RAB6A: variants seen among roughly 807,000 people sequenced by gnomAD.
RAB6A encodes RAB6A, member RAS oncogene family.
RAB6A carries 8 observed loss-of-function variants against 32.3 expected under a neutral mutation model. That is an observed-to-expected ratio of 0.25 (90% CI 0.15 to 0.45). The LOEUF is 0.45. Among genes scored for constraint, RAB6A ranks in the 20% least tolerant of loss-of-function variants. The probability of loss-of-function intolerance (pLI) is 1.00; values close to 1 mark genes in which losing one functional copy is unlikely to be tolerated. For missense variants in RAB6A, 104 were observed against 249.4 expected (o/e 0.42, Z 3.93); for synonymous variants, 73 against 82.1 (o/e 0.89, Z 0.60).
At chr11:73,690,167 C>A (rs1023559595) in intron 6 of RAB6A, among the ~76,000 whole-genome samples, 1 of 152,144 alleles carries the variant, frequency 6.6e-6, no homozygotes, top group African/African-American at 2.4e-5. Context: ...TTTGTAATCT[C>A]AAGGATATTT....
chr11:73,719,895 C>T (rs769217447), intron 3 of RAB6A, among the ~76,000 whole-genome samples: 1 of 151,410 alleles, frequency 6.6e-6, no homozygotes, highest in Non-Finnish European at 1.5e-5. Flanking sequence ...GGATTACAGG[C>T]GTGAGCCACC....
At chr11:73,722,241 T>C (rs1354987030) in intron 2 of RAB6A, 2 of 147,698 alleles carry the variant, frequency 1.4e-5, no homozygotes, top group South Asian at 2.1e-4. Context: ...GTTAAATTTG[T>C]TCCTAAGTAT....
chr11:73,722,376 C>T (rs1946156368), intron 2 of RAB6A: 1 of 105,146 alleles, frequency 9.5e-6, no homozygotes, highest in Non-Finnish European at 1.8e-5. Flanking sequence ...TTGAGACAGT[C>T]TCACACTCTT....
At chr11:73,678,052 A>G in intron 7 of RAB6A, 90 bp from the exon 8 acceptor site, 2 of 1,324,650 alleles carry the variant, frequency 1.5e-6, no homozygotes, top group Non-Finnish European at 2.2e-6. Context: ...TTATATTCCT[A>G]TCTGTCTTCA....
chr11:73,748,581 A>G (rs1361085652), intron 1 of RAB6A, among the ~76,000 whole-genome samples: 1 of 152,196 alleles, frequency 6.6e-6, no homozygotes, highest in African/African-American at 2.4e-5. Context: ...TAGATGAAAA[A>G]AGATTAAGAT....
intron 1 of RAB6A, among the ~76,000 whole-genome samples, chr11:73,737,322 A>C (rs1242484603): frequency 1.3e-5 from 2 of 152,056 alleles, no homozygotes; most frequent in Non-Finnish European, 2.9e-5. Flanking sequence ...CTATCTCTAC[A>C]AAAAATTTAA....
chr11:73,692,853 C>T (rs1208515846), intron 6 of RAB6A, among the ~76,000 whole-genome samples: 9 of 143,518 alleles, frequency 6.3e-5, no homozygotes, highest in East Asian at 2.1e-4. Context: ...CCCAGCTACG[C>T]GGGAGGCTGA....
chr11:73,722,333 ATATATATATATTTTTTTTTTTTT>A, intron 2 of RAB6A: 1 of 18,570 alleles, frequency 5.4e-5, no homozygotes, highest in Admixed American at 9.0e-4. Context: ...ATATATATAT[ATATATATATATTTTTTTTTTTTT>A]TTTTTTTTTT....
rs1424541665 is a variant in RAB6A, at chr11:73,703,865, T to C, written c.495+3555A>G. Among the ~76,000 whole-genome samples, 3 of 151,748 alleles carry C rather than the reference T, an allele frequency of 2.0e-5. No homozygotes were observed. In the South Asian group the frequency reaches 6.2e-4, roughly 32 times the overall value. On this transcript the variant is annotated intron_variant, in intron 6 of 7. Coordinates refer to ENST00000336083, the MANE Select transcript of RAB6A (RefSeq NM_198896.2). ...TGGATGGATCTTGAGGTCAGGATCA[T>C]ATAAAAATACAAAAATTGGCTGGGC... is the stretch of plus-strand genomic sequence containing the variant.
At chr11:73,740,096 A>C (rs1708731823) in intron 1 of RAB6A, among the ~76,000 whole-genome samples, 1 of 152,024 alleles carries the variant, frequency 6.6e-6, no homozygotes, top group African/African-American at 2.4e-5. Context: ...GGACTCAATT[A>C]GTCTACAATC....
chr11:73,755,182 C>T (rs1020680230), intron 1 of RAB6A, among the ~76,000 whole-genome samples: 3 of 152,100 alleles, frequency 2.0e-5, no homozygotes, highest in South Asian at 2.1e-4. Flanking sequence ...CCGCCCACCT[C>T]GGCCTCTCAA....
intron 1 of RAB6A, among the ~76,000 whole-genome samples, chr11:73,748,040 CA>C (rs1457280662): frequency 6.6e-6 from 1 of 152,154 alleles, no homozygotes; most frequent in East Asian, 1.9e-4. Flanking sequence ...TGAGATGATG[CA>C]AACATTGTGT....
chr11:73,708,384 G>A (rs1005065079), intron 5 of RAB6A, among the ~76,000 whole-genome samples: 1 of 152,086 alleles, frequency 6.6e-6, no homozygotes, highest in South Asian at 2.1e-4. Flanking sequence ...GGCCAGGCTG[G>A]TCTCAAACTC....
intron 4 of RAB6A, among the ~76,000 whole-genome samples, chr11:73,717,421 G>A (rs1301343170): frequency 6.6e-6 from 1 of 152,222 alleles, no homozygotes; most frequent in Admixed American, 6.5e-5. Context: ...GTTCATGCCT[G>A]TAACCCTAGC....
intron 6 of RAB6A, among the ~76,000 whole-genome samples, chr11:73,705,809 A>G (rs1590845470): frequency 6.8e-6 from 1 of 147,528 alleles, no homozygotes; most frequent in African/African-American, 2.5e-5. Context: ...AGAGATTTTC[A>G]ATATACTATG....
At chr11:73,686,327 G>A (rs572987459) in intron 6 of RAB6A, among the ~76,000 whole-genome samples, 3 of 152,134 alleles carry the variant, frequency 2.0e-5, no homozygotes, top group African/African-American at 4.8e-5. Context: ...AGGCAAAGGT[G>A]GGGGGATCAT....
At chr11:73,745,616 A>G (rs1038794330) in intron 1 of RAB6A, among the ~76,000 whole-genome samples, 17 of 152,098 alleles carry the variant, frequency 1.1e-4, no homozygotes, top group African/African-American at 3.9e-4. Flanking sequence ...GGATCATCTG[A>G]GGTCAGGAGT....
In RAB6A at chr11:73,760,735, C is replaced by A; in HGVS notation, c.-100G>T. The A allele has an allele frequency of 1.3e-6, 2 of 1,503,464 alleles. No homozygotes were observed. Among genetic ancestry groups the A allele is most frequent in the African/African-American group, 1.4e-5 (1 of 72,072 alleles). 93.1% of individuals were successfully genotyped at this position (1,503,464 alleles called of 1,614,324 possible). ...AAAAGGCGAGCGGAAGGGCGGGCAC[C>A]GAGCTCTCTCGGCCCCTGCAAGGCC... On this transcript the variant is annotated 5_prime_UTR_variant, in exon 1 of 8. Transcript: ENST00000336083.
At chr11:73,759,027 A>T (rs575816472) in intron 1 of RAB6A, among the ~76,000 whole-genome samples, 1 of 152,334 alleles carries the variant, frequency 6.6e-6, no homozygotes, top group East Asian at 1.9e-4. Flanking sequence ...ATGATTTCCC[A>T]GTTCTAACTG....
Sources: allele counts gnomAD v4.1 joint callset (sites outside exome capture counted in the v4.1 genomes callset), GRCh38; gene constraint gnomAD v4.1.1; transcripts MANE v1.5; gene names NCBI Gene and HGNC (gene_info 2026-07-23, HGNC 2026-07-21).